The following PACRG variants were observed in gnomAD, a reference collection of about 807,000 sequenced individuals.
PACRG encodes parkin coregulated.
In PACRG, 29 loss-of-function variants were observed where a neutral mutation model predicts 29.7. The observed-to-expected ratio is 0.98, with a 90% CI of 0.73 to 1.33. The LOEUF is 1.33. Ranked by LOEUF, PACRG falls within the 40% of genes most tolerant of loss-of-function variation. The pLI is 0.00. For synonymous variants in PACRG, 116 were observed against 118.7 expected (o/e 0.98, Z 0.15); for missense variants, 279 against 316.2 (o/e 0.88, Z 0.89).
chr6:163,293,178 T>C (rs1036523142), intron 4 of PACRG, among the ~76,000 whole-genome samples: 2 of 152,230 alleles, frequency 1.3e-5, no homozygotes, highest in African/African-American at 4.8e-5. Flanking sequence ...TAACGACACC[T>C]AGGTCATCAA....
intron 4 of PACRG, among the ~76,000 whole-genome samples, chr6:163,254,039 G>A (rs1325499818): frequency 6.6e-6 from 1 of 152,134 alleles, no homozygotes; most frequent in Non-Finnish European, 1.5e-5. Context: ...CAGGGCAGAA[G>A]CGGAGGGCCA....
At chr6:162,845,124 A>G (rs1790241993) in intron 2 of PACRG, among the ~76,000 whole-genome samples, 2 of 151,592 alleles carry the variant, frequency 1.3e-5, no homozygotes, top group Admixed American at 1.3e-4. Context: ...CCAAATAGCC[A>G]CAATAGGTAA....
chr6:162,888,108 C>T (rs1320106264), intron 2 of PACRG, among the ~76,000 whole-genome samples: 1 of 151,792 alleles, frequency 6.6e-6, no homozygotes, highest in Non-Finnish European at 1.5e-5. Context: ...TGCGGGGTCT[C>T]GTCCTCATCT....
intron 4 of PACRG, among the ~76,000 whole-genome samples, chr6:163,163,021 C>T (rs1430891681): frequency 6.6e-6 from 1 of 152,200 alleles, no homozygotes; most frequent in Non-Finnish European, 1.5e-5. Flanking sequence ...CTAATGGAAT[C>T]GTGTCCTAAC....
At chr6:163,027,341 A>C (rs944276969) in intron 2 of PACRG, among the ~76,000 whole-genome samples, 2 of 152,144 alleles carry the variant, frequency 1.3e-5, no homozygotes, top group African/African-American at 4.8e-5. Flanking sequence ...TCTGTACAAT[A>C]TTGCGTTCAT....
At chr6:162,868,300 C>T (rs1792477807) in intron 2 of PACRG, among the ~76,000 whole-genome samples, 1 of 151,138 alleles carries the variant, frequency 6.6e-6, no homozygotes, top group South Asian at 2.1e-4. Context: ...CCCGCTATTA[C>T]TAGAGCGACC....
At chr6:162,815,788 T>G (rs377253819) in intron 2 of PACRG, among the ~76,000 whole-genome samples, 1 of 152,144 alleles carries the variant, frequency 6.6e-6, no homozygotes, top group East Asian at 1.9e-4. Flanking sequence ...TGCCTGTCTA[T>G]GTACTGGCTC....
chr6:163,155,762 A>G (rs999605265), intron 4 of PACRG, among the ~76,000 whole-genome samples: 1 of 152,158 alleles, frequency 6.6e-6, no homozygotes, highest in Non-Finnish European at 1.5e-5. Context: ...CTGAGTCTCT[A>G]TCCTGTCCCA....
At chr6:163,163,618 G>T (rs1252703703) in intron 4 of PACRG, among the ~76,000 whole-genome samples, 3 of 151,634 alleles carry the variant, frequency 2.0e-5, no homozygotes, top group Non-Finnish European at 2.9e-5. Context: ...GATTTTATTA[G>T]TATAAAAAAT....
intron 4 of PACRG, among the ~76,000 whole-genome samples, chr6:163,112,525 C>T (rs1243512698): frequency 6.6e-6 from 1 of 152,166 alleles, no homozygotes; most frequent in Non-Finnish European, 1.5e-5. Context: ...TTCCAGGGAA[C>T]TTATATGGCC....
At chr6:163,158,011 C>G (rs957770342) in intron 4 of PACRG, among the ~76,000 whole-genome samples, 1 of 152,142 alleles carries the variant, frequency 6.6e-6, no homozygotes, top group Non-Finnish European at 1.5e-5. Flanking sequence ...AAATGGAAAA[C>G]AAAATATTTG....
chr6:162,848,618 A>G (rs948461371), intron 2 of PACRG, among the ~76,000 whole-genome samples: 4 of 152,246 alleles, frequency 2.6e-5, no homozygotes, highest in African/African-American at 7.2e-5. Flanking sequence ...CCTTAAGCCC[A>G]TTTTTATGAA....
At chr6:163,114,342 C>A (rs1224675709) in intron 4 of PACRG, among the ~76,000 whole-genome samples, 2 of 152,076 alleles carry the variant, frequency 1.3e-5, no homozygotes, top group Admixed American at 6.6e-5. Flanking sequence ...AAGTTGGTAT[C>A]AATTCAAATT....
intron 3 of PACRG, among the ~76,000 whole-genome samples, chr6:163,078,702 C>T (rs1278159190): frequency 2.0e-5 from 3 of 152,178 alleles, no homozygotes; most frequent in Non-Finnish European, 4.4e-5. Context: ...GACTGAGAAT[C>T]TTCACTCCTG....
chr6:163,218,203 C>A (rs1248285905), intron 4 of PACRG, among the ~76,000 whole-genome samples: 1 of 152,128 alleles, frequency 6.6e-6, no homozygotes, highest in Non-Finnish European at 1.5e-5. Flanking sequence ...TATCAACTTA[C>A]CTCTCTCTGT....
intron 4 of PACRG, among the ~76,000 whole-genome samples, chr6:163,138,323 A>G (rs1249329028): frequency 6.6e-6 from 1 of 152,158 alleles, no homozygotes; most frequent in Non-Finnish European, 1.5e-5. Context: ...GTTCACAACC[A>G]TGGGGGCGTA....
rs398003265 is a variant in PACRG at position 163,177,710 on chromosome 6, A to ATTTTTTTTTTTTTTTTTTTTTTTTTT, written c.613+88304_613+88329dup. ...TGTTAGCTAAGAAATTAGAAAAGGGATTTTTTTTTTTTTTTTTTTTTTTTT... is the reference window on the plus strand; with the variant it reads ...TGTTAGCTAAGAAATTAGAAAAGGGATTTTTTTTTTTTTTTTTTTTTTTTTTTTTTTTTTTTTTTTTTTTTTTTTTT... On this transcript the variant is annotated intron_variant, in intron 4 of 4. Coordinates refer to ENST00000366888, the MANE Select transcript of PACRG (RefSeq NM_001080379.2). Among the ~76,000 whole-genome samples the ATTTTTTTTTTTTTTTTTTTTTTTTTT allele has an allele frequency of 7.4e-5, 4 of 53,744 alleles. 1 individual carries two copies. Among genetic ancestry groups the ATTTTTTTTTTTTTTTTTTTTTTTTTT allele is most frequent in the Non-Finnish European group, 1.3e-4 (4 of 31,746 alleles). The allele number at this position is 53,744 out of a possible 152,430, so 35.3% of individuals were successfully genotyped here.
At chr6:163,297,770 G>T (rs1377359449) in intron 4 of PACRG, among the ~76,000 whole-genome samples, 1 of 152,186 alleles carries the variant, frequency 6.6e-6, no homozygotes, top group African/African-American at 2.4e-5. Flanking sequence ...GCACCCAGAA[G>T]TGTGAGTTCT....
intron 4 of PACRG, among the ~76,000 whole-genome samples, chr6:163,285,056 G>C (rs1480109173): frequency 1.3e-5 from 2 of 152,006 alleles, no homozygotes; most frequent in East Asian, 1.9e-4. Flanking sequence ...GTCATGCACT[G>C]GTCCACTTGA....
Sources: gnomAD v4.1 joint callset for allele counts (sites outside exome capture counted in the v4.1 genomes callset) on GRCh38, gnomAD v4.1.1 for gene constraint, MANE v1.5 for transcripts, NCBI Gene and HGNC (gene_info 2026-07-23, HGNC 2026-07-21) for gene names.